The following RALYL variants were observed in gnomAD, a reference collection of about 807,000 sequenced individuals.
The protein encoded by RALYL is RNA-binding Raly-like protein.
Under a neutral mutation model 35.1 loss-of-function variants are expected in RALYL, and 29 were observed. The observed-to-expected ratio is 0.83, with a 90% confidence interval of 0.61 to 1.13. RALYL has a LOEUF of 1.13. Among genes scored for constraint, RALYL ranks in the 50% most tolerant of loss-of-function variants. RALYL has a pLI of 0.00. For synonymous variants in RALYL, 120 were observed against 127.6 expected (o/e 0.94, Z 0.40); for missense variants, 359 against 360.4 (o/e 1.00, Z 0.03).
At chr8:84,192,886 AGTGTGT>A (rs758028998) in intron 1 of RALYL, among the ~76,000 whole-genome samples, 5 of 73,164 alleles carry the variant, frequency 6.8e-5, no homozygotes, top group African/African-American at 3.0e-4. Flanking sequence ...TGAGGGAGGG[AGTGTGT>A]GTGTGTGTGT....
At chr8:84,247,396 C>T (rs1586519786) in intron 1 of RALYL, among the ~76,000 whole-genome samples, 1 of 151,948 alleles carries the variant, frequency 6.6e-6, no homozygotes, top group Non-Finnish European at 1.5e-5. Flanking sequence ...AACTGGTAGG[C>T]ACACTGCCAA....
At chr8:84,438,383 CTTAT>C (rs3993393) in intron 1 of RALYL, among the ~76,000 whole-genome samples, 89,239 of 150,220 alleles carry the variant, frequency 0.59, 26,784 homozygotes, top group African/African-American at 0.67. Flanking sequence ...GATTATTTTA[CTTAT>C]TTATTTATTT....
chr8:84,197,654 C>A (rs935632067), intron 1 of RALYL, among the ~76,000 whole-genome samples: 1 of 151,780 alleles, frequency 6.6e-6, no homozygotes, highest in African/African-American at 2.4e-5. Flanking sequence ...TGGGGCCGGG[C>A]GCGGTGGCTC....
chr8:84,498,605 A>G (rs1191844272), intron 1 of RALYL, among the ~76,000 whole-genome samples: 1 of 152,108 alleles, frequency 6.6e-6, no homozygotes, highest in Non-Finnish European at 1.5e-5. Context: ...AAAGTAGGAG[A>G]TGCTTGAATT....
At chr8:84,289,528 G>A (rs753391277) in intron 1 of RALYL, among the ~76,000 whole-genome samples, 21 of 151,970 alleles carry the variant, frequency 1.4e-4, no homozygotes, top group Admixed American at 3.3e-4. Flanking sequence ...GGGAAATTGC[G>A]TTCAGAATAT....
intron 1 of RALYL, among the ~76,000 whole-genome samples, chr8:84,205,220 C>T (rs1189940101): frequency 6.6e-6 from 1 of 152,148 alleles, no homozygotes; most frequent in Non-Finnish European, 1.5e-5. Flanking sequence ...GTACTGTTCT[C>T]GATATGCAAT....
At chr8:84,300,335 T>G (rs1333310917) in intron 1 of RALYL, among the ~76,000 whole-genome samples, 2 of 151,936 alleles carry the variant, frequency 1.3e-5, no homozygotes, top group Non-Finnish European at 2.9e-5. Flanking sequence ...TTTTTTTTAA[T>G]TTACTCAGAA....
intron 1 of RALYL, among the ~76,000 whole-genome samples, chr8:84,432,972 T>C (rs2047302591): frequency 6.6e-6 from 1 of 152,100 alleles, no homozygotes; most frequent in Non-Finnish European, 1.5e-5. Context: ...TGGAAACTCT[T>C]ACACACATAC....
intron 1 of RALYL, among the ~76,000 whole-genome samples, chr8:84,353,457 A>G (rs1851280362): frequency 6.6e-6 from 1 of 150,440 alleles, no homozygotes. Flanking sequence ...ATTTTCAATC[A>G]CAAGACTATA....
At chr8:84,755,290 A>T (rs1054290438) in intron 2 of RALYL, among the ~76,000 whole-genome samples, 3 of 152,194 alleles carry the variant, frequency 2.0e-5, no homozygotes, top group Admixed American at 2.0e-4. Flanking sequence ...TTGTATATAC[A>T]TGGTAGGAAA....
intron 2 of RALYL, among the ~76,000 whole-genome samples, chr8:84,567,971 C>A (rs2061901799): frequency 6.6e-6 from 1 of 151,612 alleles, no homozygotes; most frequent in Non-Finnish European, 1.5e-5. Flanking sequence ...GTTGAGCATT[C>A]TTTTCATGTG....
At chr8:84,540,585 T>A (rs541956423) in intron 2 of RALYL, among the ~76,000 whole-genome samples, 39 of 152,144 alleles carry the variant, frequency 2.6e-4, no homozygotes, top group African/African-American at 8.7e-4. Flanking sequence ...GTGTGTTTTT[T>A]TTTAACCTCT....
intron 1 of RALYL, chr8:84,185,184 A>T (rs188120001): frequency 1.9e-3 from 1,350 of 707,592 alleles, no homozygotes; most frequent in Non-Finnish European, 2.3e-3. Flanking sequence ...CTTGGGTTTA[A>T]TGTTGAGGAC....
chr8:84,421,717 G>A (rs1269524158), intron 1 of RALYL, among the ~76,000 whole-genome samples: 69 of 135,804 alleles, frequency 5.1e-4, no homozygotes, highest in Non-Finnish European at 8.6e-4. Context: ...TTTGAAATAC[G>A]TCCCATCAAT....
intron 2 of RALYL, among the ~76,000 whole-genome samples, chr8:84,646,715 C>A (rs899027734): frequency 4.0e-5 from 6 of 151,784 alleles, no homozygotes; most frequent in Admixed American, 6.6e-5. Context: ...GTGTTTTATT[C>A]CTTTTTGTTT....
At chr8:84,544,039 A>T (rs1253399081) in intron 2 of RALYL, among the ~76,000 whole-genome samples, 1 of 152,070 alleles carries the variant, frequency 6.6e-6, no homozygotes, top group Non-Finnish European at 1.5e-5. Context: ...ATCTGAAAAG[A>T]GTTTAATAAT....
intron 4 of RALYL, among the ~76,000 whole-genome samples, chr8:84,842,779 T>C (rs1367539507): frequency 6.6e-6 from 1 of 152,142 alleles, no homozygotes; most frequent in African/African-American, 2.4e-5. Flanking sequence ...CATGATCAAG[T>C]GGGCTTCATC....
At chr8:84,254,266 T>C (rs1830791547) in intron 1 of RALYL, among the ~76,000 whole-genome samples, 1 of 152,190 alleles carries the variant, frequency 6.6e-6, no homozygotes, top group African/African-American at 2.4e-5. Context: ...TATTTTTTGC[T>C]TTAAAGATAT....
intron 1 of RALYL, among the ~76,000 whole-genome samples, chr8:84,314,438 T>A (rs2130078216): frequency 6.6e-6 from 1 of 152,084 alleles, no homozygotes; most frequent in African/African-American, 2.4e-5. Flanking sequence ...TGACTATAAA[T>A]ATACAAGTAT....
Sources: allele counts gnomAD v4.1 joint callset (sites outside exome capture counted in the v4.1 genomes callset), GRCh38; gene constraint gnomAD v4.1.1; transcripts MANE v1.5; gene names NCBI Gene and HGNC (gene_info 2026-07-23, HGNC 2026-07-21).